SORL1: variants seen among roughly 807,000 people sequenced by gnomAD.
SORL1 encodes sortilin related receptor 1.
A neutral mutation model predicts 273.7 loss-of-function variants in SORL1; 127 were observed. The observed-to-expected ratio is 0.46, with a 90% confidence interval of 0.40 to 0.54. The LOEUF (loss-of-function observed/expected upper bound fraction) is 0.54, where lower values mean the gene tolerates loss of function less well. SORL1 is among the 20% of genes least tolerant of loss of function. The pLI is 0.00. For synonymous variants in SORL1, 1,031 were observed against 1,067.4 expected (o/e 0.97, Z 0.66); for missense variants, 2,494 against 2,846.1 (o/e 0.88, Z 2.81).
chr11:121,531,191 C>T (rs1294104594), intron 11 of SORL1, among the ~76,000 whole-genome samples: 2 of 152,064 alleles, frequency 1.3e-5, no homozygotes, highest in African/African-American at 2.4e-5. Flanking sequence ...GTCAGGAGCT[C>T]GAGACCAGCC....
chr11:121,554,916 A>G lies in SORL1; in HGVS notation c.2440-271A>G, dbSNP rs540767091. On this transcript the variant is annotated intron_variant, in intron 17 of 47. Coordinates refer to ENST00000260197, the MANE Select transcript of SORL1 (RefSeq NM_003105.6). This position sits in a 1 kb window ranked among gnomAD's most constrained non-coding sequence, Gnocchi z 4.6. ...TCTGACTTTATTATTGCCATACAGCATAATTTAGTAACCAGTGTTCATAAT... is the reference window on the plus strand; with the variant it reads ...TCTGACTTTATTATTGCCATACAGCGTAATTTAGTAACCAGTGTTCATAAT... 9.6e-6 allele frequency: 2 copies of G among 208,090 alleles called. No individual in the cohort carries two copies. The highest frequency in any genetic ancestry group is 2.3e-4 in the South Asian group (2 of 8,672). 12.9% of individuals were successfully genotyped at this position (208,090 alleles called of 1,614,324 possible).
At chr11:121,480,022 G>A (rs1350932802) in intron 3 of SORL1, among the ~76,000 whole-genome samples, 5 of 152,186 alleles carry the variant, frequency 3.3e-5, no homozygotes, top group Non-Finnish European at 5.9e-5. Context: ...CCCGCTGCTT[G>A]CCTTGCCTTT....
At chr11:121,539,729 ACATAAAGTATTTT>A (rs1862319402) in intron 12 of SORL1, among the ~76,000 whole-genome samples, 1 of 152,168 alleles carries the variant, frequency 6.6e-6, no homozygotes, top group Admixed American at 6.5e-5. Context: ...CAGCCAGAAA[ACATAAAGTATTTT>A]CAATTCAAAG....
chr11:121,520,878 T>C, intron 9 of SORL1, 29 bp downstream of exon 9: 1 of 1,520,140 alleles, frequency 6.6e-7, no homozygotes, highest in South Asian at 1.3e-5. Context: ...TCTTTTGCTT[T>C]TTAATATAAA....
In SORL1 at chr11:121,590,174, G is replaced by A; in HGVS notation, c.4213G>A (p.Asp1405Asn). Reference sequence around the variant, plus strand: ...CTGGTCTGATGAGAAGGATTGTGGAGGTAAGAGGCCCCTGGGGCCTGGGTT... The same window carrying A: ...CTGGTCTGATGAGAAGGATTGTGGAAGTAAGAGGCCCCTGGGGCCTGGGTT... ...GDWSDEKDCG[D>N]SHILPFSTPG... is the part of the protein sequence containing the mutation. Residue 1405 changes from aspartate to asparagine, a missense_variant and splice_region_variant, in exon 30 of 48, where the codon GAT becomes AAT. Transcript: ENST00000260197. The A allele has an allele frequency of 1.9e-6, 3 of 1,613,894 alleles. No individual in the cohort carries two copies. Among genetic ancestry groups the A allele is most frequent in the Non-Finnish European group, 2.5e-6 (3 of 1,179,846 alleles).
intron 11 of SORL1, among the ~76,000 whole-genome samples, chr11:121,526,929 CTCT>C (rs137993399): frequency 0.014 from 2,162 of 151,882 alleles, 54 homozygotes; most frequent in African/African-American, 0.049. Context: ...TCTCATTCTT[CTCT>C]TCTTCCTTTT....
intron 3 of SORL1, among the ~76,000 whole-genome samples, chr11:121,484,695 CA>C (rs1244447174): frequency 3.3e-5 from 5 of 151,960 alleles, no homozygotes; most frequent in Non-Finnish European, 2.9e-5. Flanking sequence ...AGAAGGTAAA[CA>C]AAAATGGAAT....
At chr11:121,568,483 A>G (rs1862784440) in intron 22 of SORL1, among the ~76,000 whole-genome samples, 1 of 152,224 alleles carries the variant, frequency 6.6e-6, no homozygotes, top group Non-Finnish European at 1.5e-5. Flanking sequence ...CATGTCCTTG[A>G]TGCAGTTTGC....
chr11:121,516,475 A>C (rs947931111), intron 8 of SORL1, among the ~76,000 whole-genome samples: 2 of 151,908 alleles, frequency 1.3e-5, no homozygotes, highest in African/African-American at 4.8e-5. Flanking sequence ...GGAGATCACC[A>C]GCTTGGTTTG....
intron 30 of SORL1, 122 bp from the exon 31 acceptor site, chr11:121,590,879 C>A: frequency 9.7e-7 from 1 of 1,034,696 alleles, no homozygotes; most frequent in Non-Finnish European, 1.5e-6. Flanking sequence ...CTGTGCCAGT[C>A]ACTGGCCTCC....
chr11:121,473,668 G>A (rs1004211431), intron 2 of SORL1, among the ~76,000 whole-genome samples: 2 of 152,210 alleles, frequency 1.3e-5, no homozygotes, highest in African/African-American at 4.8e-5. Flanking sequence ...GCCGAGGCGG[G>A]TGGATCATTT....
At chr11:121,483,734 A>C (rs553614414) in intron 3 of SORL1, among the ~76,000 whole-genome samples, 1 of 152,212 alleles carries the variant, frequency 6.6e-6, no homozygotes, top group Non-Finnish European at 1.5e-5. Context: ...CTTAAAAGCC[A>C]GGGTGAAATA....
intron 11 of SORL1, among the ~76,000 whole-genome samples, chr11:121,529,772 T>A (rs567568470): frequency 2.0e-5 from 3 of 152,300 alleles, no homozygotes; most frequent in African/African-American, 7.2e-5. Flanking sequence ...AAGCTCTGCT[T>A]TTTAACTGAA....
intron 26 of SORL1, among the ~76,000 whole-genome samples, chr11:121,585,628 A>G (rs1863090701): frequency 6.6e-6 from 1 of 152,122 alleles, no homozygotes; most frequent in Non-Finnish European, 1.5e-5. Context: ...CCCAGTTCCC[A>G]CTTTTTCCTA....
In SORL1 at chr11:121,557,401, G is replaced by C; in HGVS notation, c.2659G>C (p.Glu887Gln). 1.2e-6 allele frequency: 2 copies of C among 1,612,676 alleles called. No individual in the cohort carries two copies. The highest frequency in any genetic ancestry group is 1.7e-6 in the Non-Finnish European group (2 of 1,178,614). The change falls in exon 19 of 48, where the codon GAG becomes CAG. Residue 887 changes from glutamate to glutamine, a missense_variant. By Grantham distance (29) the Glu-to-Gln change is conservative (BLOSUM62 2). This residue lies in a region of SORL1 where 1,609 missense variants were observed against 1,816.4 expected (regional missense o/e 0.89). Coordinates refer to ENST00000260197, the MANE Select transcript of SORL1 (RefSeq NM_003105.6). The part of the protein sequence containing the change: ...RPRALVLVPQ[E>Q]GVMFWTDWGD... ...CAGGGCTCTGGTCCTCGTGCCCCAA[G>C]AGGGGTAAGTGTTGCCCCAAAAGGA... is the stretch of plus-strand genomic sequence containing the variant.
At chr11:121,529,488 G>T (rs1353344170) in intron 11 of SORL1, among the ~76,000 whole-genome samples, 1 of 152,088 alleles carries the variant, frequency 6.6e-6, no homozygotes, top group Non-Finnish European at 1.5e-5. Flanking sequence ...AAGTGCTGGG[G>T]TTACAGGTGT....
intron 3 of SORL1, among the ~76,000 whole-genome samples, chr11:121,485,046 C>T (rs188015013): frequency 5.3e-5 from 8 of 152,290 alleles, no homozygotes; most frequent in South Asian, 4.1e-4. Context: ...TGAGCCACCC[C>T]GCCCGGCCCC....
intron 35 of SORL1, among the ~76,000 whole-genome samples, chr11:121,606,035 G>A (rs979893648): frequency 6.6e-6 from 1 of 152,086 alleles, no homozygotes; most frequent in African/African-American, 2.4e-5. Context: ...TGGTCCTCCC[G>A]CCTCAGCCTC....
chr11:121,628,951 A>G (rs1030785087), intron 47 of SORL1: 1 of 152,646 alleles, frequency 6.6e-6, no homozygotes, highest in Admixed American at 6.5e-5. Context: ...TGGAGGCAAC[A>G]GGAGTGGACC....
Sources: gnomAD v4.1 joint callset for allele counts (sites outside exome capture counted in the v4.1 genomes callset) on GRCh38, gnomAD v4.1.1 for gene constraint, gnomAD v4.1.1 regional missense constraint, Gnocchi (gnomAD v3.1) non-coding constraint, MANE v1.5 for transcripts, NCBI Gene and HGNC (gene_info 2026-07-23, HGNC 2026-07-21) for gene names.